ARK2N: variants seen among roughly 807,000 people sequenced by gnomAD.
The protein encoded by ARK2N is protein ARK2N.
At chr18:46,215,592 T>A in the ARK2N span, among the ~76,000 whole-genome samples, 2 of 152,154 alleles carry the variant, frequency 1.3e-5, no homozygotes, top group Non-Finnish European at 2.9e-5. Flanking sequence ...AGTTAGAGGA[T>A]TAATATTATG....
the ARK2N span, among the ~76,000 whole-genome samples, chr18:46,205,225 G>A: frequency 6.6e-6 from 1 of 152,092 alleles, no homozygotes; most frequent in Non-Finnish European, 1.5e-5. Context: ...TTGTTTTAAT[G>A]GGAGCATTAT....
chr18:46,253,774 G>T, the ARK2N span: 4 of 1,613,430 alleles, frequency 2.5e-6, no homozygotes, highest in African/African-American at 1.3e-5. Flanking sequence ...AATTAACATT[G>T]CGTCTTCAGA....
At chr18:46,178,674 A>G in the ARK2N span, among the ~76,000 whole-genome samples, 4 of 152,206 alleles carry the variant, frequency 2.6e-5, no homozygotes, top group East Asian at 7.8e-4. Flanking sequence ...TAATCCCAGC[A>G]CGTTGGGAGG....
the ARK2N span, among the ~76,000 whole-genome samples, chr18:46,210,830 G>GA: frequency 4.0e-5 from 6 of 151,788 alleles, no homozygotes; most frequent in Non-Finnish European, 8.8e-5. Context: ...AGGATCACTT[G>GA]AGCCAAGGAG....
chr18:46,189,899 G>A, the ARK2N span, among the ~76,000 whole-genome samples: 1 of 152,166 alleles, frequency 6.6e-6, no homozygotes, highest in African/African-American at 2.4e-5. Context: ...TCTTTTAAAT[G>A]TGTATAACCT....
the ARK2N span, among the ~76,000 whole-genome samples, chr18:46,212,006 A>G: frequency 6.6e-6 from 1 of 152,178 alleles, no homozygotes; most frequent in African/African-American, 2.4e-5. Flanking sequence ...ATCTTTATGT[A>G]TGACATCATT....
the ARK2N span, among the ~76,000 whole-genome samples, chr18:46,233,294 C>T: frequency 6.6e-6 from 1 of 152,134 alleles, no homozygotes; most frequent in African/African-American, 2.4e-5. Context: ...TAGCAGGGTA[C>T]ATAGACATAG....
chr18:46,207,388 C>CTTT, the ARK2N span, among the ~76,000 whole-genome samples: 35 of 115,912 alleles, frequency 3.0e-4, 2 homozygotes, highest in Admixed American at 9.9e-4. Context: ...AGTTTCTATA[C>CTTT]TTTTTTTTTT....
chr18:46,202,750 T>C, the ARK2N span, among the ~76,000 whole-genome samples: 1 of 150,044 alleles, frequency 6.7e-6, no homozygotes, highest in Non-Finnish European at 1.5e-5. Flanking sequence ...ATCGCTCCAC[T>C]GCATTCCAGC....
At chr18:46,218,798 C>A in the ARK2N span, 1 of 152,210 alleles carries the variant, frequency 6.6e-6, no homozygotes, top group Admixed American at 6.5e-5. Context: ...AAATTATGAA[C>A]TGACTTGAGT....
chr18:46,197,297 C>G, the ARK2N span, among the ~76,000 whole-genome samples: 1 of 151,868 alleles, frequency 6.6e-6, no homozygotes, highest in Admixed American at 6.6e-5. Context: ...TGCAGTGGTG[C>G]AATCATGGCT....
At chr18:46,264,651 GAC>G in the ARK2N span, 1 of 152,622 alleles carries the variant, frequency 6.6e-6, no homozygotes, top group Admixed American at 6.5e-5. Context: ...TGAGATGAAT[GAC>G]ACACACCGCA....
At chr18:46,236,264 C>T in the ARK2N span, among the ~76,000 whole-genome samples, 4 of 152,322 alleles carry the variant, frequency 2.6e-5, no homozygotes, top group Admixed American at 2.6e-4. Flanking sequence ...CCTCCTGCCT[C>T]GTCCTCCCAA....
the ARK2N span, among the ~76,000 whole-genome samples, chr18:46,248,139 G>A: frequency 6.6e-6 from 1 of 152,206 alleles, no homozygotes; most frequent in Non-Finnish European, 1.5e-5. Flanking sequence ...CAGTGAAACG[G>A]TAACCTCCTG....
At chr18:46,245,593 G>T in the ARK2N span, among the ~76,000 whole-genome samples, 1 of 147,228 alleles carries the variant, frequency 6.8e-6, no homozygotes, top group Non-Finnish European at 1.5e-5. Context: ...AAAAAAGAAA[G>T]AAAAAAAGAA....
the ARK2N span, among the ~76,000 whole-genome samples, chr18:46,176,323 C>G: frequency 9.9e-5 from 15 of 152,226 alleles, no homozygotes; most frequent in African/African-American, 3.6e-4. Context: ...AGACCCAAAC[C>G]TTTGGTAAAT....
At chr18:46,222,910 C>G in the ARK2N span, among the ~76,000 whole-genome samples, 1 of 152,126 alleles carries the variant, frequency 6.6e-6, no homozygotes, top group Admixed American at 6.6e-5. Flanking sequence ...TGTTAGGGTT[C>G]ACTCTTGGTG....
chr18:46,205,880 C>T, the ARK2N span, among the ~76,000 whole-genome samples: 1 of 151,898 alleles, frequency 6.6e-6, no homozygotes, highest in Middle Eastern at 3.4e-3. Flanking sequence ...CATGTGCTAC[C>T]ATGCTCGGCT....
chr18:46,213,513 C>T, the ARK2N span, among the ~76,000 whole-genome samples: 8 of 151,962 alleles, frequency 5.3e-5, no homozygotes, highest in African/African-American at 1.4e-4. Context: ...TTATTTATAA[C>T]GGTCTCCGTT....
Sources: gnomAD v4.1 joint callset for allele counts (sites outside exome capture counted in the v4.1 genomes callset) on GRCh38, gnomAD v4.1.1 for gene constraint, MANE v1.5 for transcripts, NCBI Gene and HGNC (gene_info 2026-07-23, HGNC 2026-07-21) for gene names.